The following CUX1 variants were observed in gnomAD, a reference collection of about 807,000 sequenced individuals.
CUX1 encodes the protein protein CASP.
A neutral mutation model predicts 158.8 loss-of-function variants in CUX1; 31 were observed. That is an observed-to-expected ratio of 0.20 (90% CI 0.15 to 0.26). The LOEUF (loss-of-function observed/expected upper bound fraction) is 0.26, where lower values mean the gene tolerates loss of function less well. Among genes scored for constraint, CUX1 ranks in the 10% least tolerant of loss-of-function variants. The probability of loss-of-function intolerance (pLI) is 1.00; values close to 1 mark genes in which losing one functional copy is unlikely to be tolerated. For missense variants in CUX1, 1,589 were observed against 2,014.6 expected (o/e 0.79, Z 4.04); for synonymous variants, 879 against 862.1 (o/e 1.02, Z -0.34).
At chr7:102,029,576 G>A (rs932345752) in intron 3 of CUX1, among the ~76,000 whole-genome samples, 23 of 152,126 alleles carry the variant, frequency 1.5e-4, no homozygotes, top group Non-Finnish European at 2.9e-4. Context: ...ACAGAGAGGC[G>A]ATTTCAGGAC....
At chr7:102,095,514 A>G (rs1426109174) in intron 4 of CUX1, among the ~76,000 whole-genome samples, 9 of 152,166 alleles carry the variant, frequency 5.9e-5, no homozygotes, top group African/African-American at 1.9e-4. Context: ...TGAGCCCAAC[A>G]TATCCCAGCG....
At chr7:102,036,106 A>G (rs1821396272) in intron 3 of CUX1, among the ~76,000 whole-genome samples, 1 of 152,108 alleles carries the variant, frequency 6.6e-6, no homozygotes, top group Non-Finnish European at 1.5e-5. Context: ...AGCTGGGATT[A>G]CAGGCGCCTG....
intron 11 of CUX1, chr7:102,186,679 G>T (rs1234522567): frequency 6.6e-6 from 1 of 151,694 alleles, no homozygotes; most frequent in African/African-American, 2.4e-5. Context: ...TCCCTTGCTT[G>T]ATCTGCAGTG....
At chr7:101,956,244 C>T (rs1423607840) in intron 2 of CUX1, among the ~76,000 whole-genome samples, 1 of 152,130 alleles carries the variant, frequency 6.6e-6, no homozygotes, top group Non-Finnish European at 1.5e-5. Flanking sequence ...TGCACGCGCC[C>T]TCATTTGAAA....
chr7:101,925,081 C>T (rs373977346), intron 2 of CUX1, among the ~76,000 whole-genome samples: 5 of 152,172 alleles, frequency 3.3e-5, no homozygotes, highest in African/African-American at 1.2e-4. Context: ...GAGTTGGCTT[C>T]ATTGAAGGCC....
At chr7:102,064,195 T>G (rs1825281603) in intron 3 of CUX1, among the ~76,000 whole-genome samples, 1 of 152,190 alleles carries the variant, frequency 6.6e-6, no homozygotes, top group Non-Finnish European at 1.5e-5. Context: ...CTGGTTTAGC[T>G]TCTTCCAAAT....
At chr7:102,118,263 C>G (rs147776961) in intron 8 of CUX1, among the ~76,000 whole-genome samples, 2 of 152,124 alleles carry the variant, frequency 1.3e-5, no homozygotes, top group Non-Finnish European at 2.9e-5. Context: ...TAGGGCCAGG[C>G]GCGGTGGCTC....
intron 11 of CUX1, among the ~76,000 whole-genome samples, chr7:102,182,017 G>C (rs1793139211): frequency 6.6e-6 from 1 of 152,204 alleles, no homozygotes; most frequent in Admixed American, 6.5e-5. Context: ...TTACCACGGA[G>C]CTGCTTTCTT....
At chr7:102,200,391 G>A (rs1795289457) in intron 17 of CUX1, among the ~76,000 whole-genome samples, 1 of 151,972 alleles carries the variant, frequency 6.6e-6, no homozygotes, top group Admixed American at 6.6e-5. Flanking sequence ...TGCCTGTGCT[G>A]GAGTGCAGTG....
At chr7:101,891,709 G>T (rs1020007792) in intron 1 of CUX1, among the ~76,000 whole-genome samples, 1 of 152,194 alleles carries the variant, frequency 6.6e-6, no homozygotes, top group African/African-American at 2.4e-5. Context: ...GGGAGAATAG[G>T]GAAGGGTTCA....
chr7:101,817,324 C>T (rs1011220471), upstream of CUX1: 1 of 984,728 alleles, frequency 1.0e-6, no homozygotes, highest in Non-Finnish European at 1.2e-6. The surrounding 1 kb of genome is among the most constrained non-coding windows in gnomAD (Gnocchi z 4.1). Flanking sequence ...CTTCTGCCCT[C>T]TCTGCAGGGC....
At chr7:101,874,391 C>T (rs796670716) in intron 1 of CUX1, among the ~76,000 whole-genome samples, 14 of 152,156 alleles carry the variant, frequency 9.2e-5, no homozygotes, top group African/African-American at 3.4e-4. Context: ...TAAAAAGCAG[C>T]GGAAACATGG....
intron 2 of CUX1, among the ~76,000 whole-genome samples, chr7:101,981,474 G>A (rs1813435628): frequency 6.6e-6 from 1 of 152,148 alleles, no homozygotes; most frequent in Non-Finnish European, 1.5e-5. Context: ...GCCACAGAGA[G>A]TGGCCAGCCA....
intron 14 of CUX1, among the ~76,000 whole-genome samples, chr7:102,269,572 ATTT>A (rs71123030): frequency 0.21 from 22,326 of 107,992 alleles, 1,468 homozygotes; most frequent in East Asian, 0.42. Flanking sequence ...TGCCCGGCTA[ATTT>A]TTTTTTTTTT....
rs1381488831 is a variant in CUX1 at position 102,252,404 on chromosome 7, G to A, written c.*3362G>A. ...GGCAGCCGACCCCCTTCCTCTTCACGCTCTATGAGTTTAAAAAGCTGATTT... is the reference window on the plus strand; with the variant it reads ...GGCAGCCGACCCCCTTCCTCTTCACACTCTATGAGTTTAAAAAGCTGATTT... On this transcript the variant is annotated 3_prime_UTR_variant, in exon 24 of 24. Transcript: ENST00000292535. 8 of 985,306 alleles carry A rather than the reference G, an allele frequency of 8.1e-6. No individual in the cohort carries two copies. In the East Asian group the frequency reaches 6.8e-4, roughly 84 times the overall value. The allele number at this position is 985,306 out of a possible 1,614,324, so 61.0% of individuals were successfully genotyped here. A position where few individuals can be genotyped will look rare whatever the true frequency, so the allele number is the denominator to read the frequency against.
chr7:102,026,291 G>A (rs1476547987), intron 2 of CUX1, among the ~76,000 whole-genome samples: 2 of 152,142 alleles, frequency 1.3e-5, no homozygotes, highest in East Asian at 1.9e-4. Context: ...GGTGGCTACC[G>A]AATCCTTGAA....
At chr7:101,896,242 C>G (rs558504370) in intron 1 of CUX1, among the ~76,000 whole-genome samples, 1 of 152,088 alleles carries the variant, frequency 6.6e-6, no homozygotes, top group African/African-American at 2.4e-5. Flanking sequence ...AGCAGTCTTC[C>G]GACCTCCAGC....
chr7:102,186,803 C>CGAGTGGATCACTTAGTGTTAG (rs1793675267), intron 11 of CUX1: 2 of 152,128 alleles, frequency 1.3e-5, no homozygotes, highest in African/African-American at 4.8e-5. Flanking sequence ...GAGGCCGAGG[C>CGAGTGGATCACTTAGTGTTAG]GAGTGGATCA....
intron 2 of CUX1, among the ~76,000 whole-genome samples, chr7:101,973,601 C>A (rs1299125685): frequency 6.6e-6 from 1 of 151,946 alleles, no homozygotes; most frequent in African/African-American, 2.4e-5. Context: ...TCCCCTGCAC[C>A]CAGATGGAAA....
Sources: gnomAD v4.1 joint callset for allele counts (sites outside exome capture counted in the v4.1 genomes callset) on GRCh38, gnomAD v4.1.1 for gene constraint, Gnocchi (gnomAD v3.1) non-coding constraint, MANE v1.5 for transcripts, NCBI Gene and HGNC (gene_info 2026-07-23, HGNC 2026-07-21) for gene names.